FASTK: variants seen among roughly 807,000 people sequenced by gnomAD.
FASTK encodes the protein fas-activated serine/threonine kinase.
FASTK carries 28 observed loss-of-function variants against 60.0 expected under a neutral mutation model. The observed-to-expected ratio is 0.47, with a 90% confidence interval of 0.35 to 0.64. The LOEUF (loss-of-function observed/expected upper bound fraction) is 0.64, where lower values mean the gene tolerates loss of function less well. Among genes scored for constraint, FASTK ranks in the 30% least tolerant of loss-of-function variants. The pLI, the probability that FASTK is intolerant of heterozygous loss-of-function variation, is 0.01. For synonymous variants in FASTK, 325 were observed against 307.9 expected (o/e 1.06, Z -0.58); for missense variants, 595 against 713.8 (o/e 0.83, Z 1.90).
At position 151,077,329 on chromosome 7, in the gene FASTK, C is replaced by T. The variant is rs932974133; in HGVS notation, c.1272G>A (p.Val424=). 1.1e-5 allele frequency: 18 copies of T among 1,613,010 alleles called. No individual in the cohort carries two copies. The African/African-American group carries it at 2.0e-4, about 18-fold the overall frequency. ...GCTCACCTGTGCAGTAGCCTGGAGG[C>T]ACAGTCAGGTCCTGGCGGTATTTCT... ...GEEKYRQDLT[V]PPGYCTDFLL... The change falls in exon 7 of 10, where the codon GTG becomes GTA. Residue 424 remains valine, a synonymous_variant. Transcript: ENST00000297532.
chr7:151,079,862 C>T lies in FASTK; in HGVS notation c.143G>A (p.Arg48Gln), dbSNP rs756789798. The T allele has an allele frequency of 5.6e-6, 9 of 1,604,962 alleles. No homozygotes were observed. The South Asian group carries it at 1.0e-4, about 18-fold the overall frequency. Residue 48 changes from arginine (R) to glutamine (Q), a missense_variant, in exon 2 of 10, where the codon CGG becomes CAG. Transcript: ENST00000297532. ...VLLSAQTSPA[R>Q]LSGLLLIPPV... ...AGGGATCAGCAGCAGGCCAGACAGC[C>T]GAGCAGGGGAGGTCTGAGCAGAGAG...
At chr7:151,077,828 C>A (rs749251716) in intron 5 of FASTK, 48 bp from the exon 6 acceptor site, 16 of 1,596,390 alleles carry the variant, frequency 1.0e-5, no homozygotes, top group Non-Finnish European at 1.4e-5. Flanking sequence ...CCACCCTGCT[C>A]CCCTGCCTCT....
At chr7:151,078,746 G>C (rs1183113392) in intron 3 of FASTK, 45 bp from the exon 4 acceptor site, 3 of 1,610,996 alleles carry the variant, frequency 1.9e-6, no homozygotes, top group Non-Finnish European at 2.5e-6. Flanking sequence ...CGGACCTCCG[G>C]CTGGCTCAAT....
chr7:151,078,498 C>T (rs1345865977), intron 4 of FASTK, 64 bp downstream of exon 4: 7 of 1,568,586 alleles, frequency 4.5e-6, no homozygotes, highest in East Asian at 2.3e-5. Flanking sequence ...CTGCACGAGG[C>T]GCTGGGCCTG....
At position 151,077,442 on chromosome 7, in the gene FASTK, C is replaced by T. The variant is rs372982854; in HGVS notation, c.1200-41G>A. 4 of 1,595,498 alleles carry T rather than the reference C, an allele frequency of 2.5e-6. No individual in the cohort carries two copies. In the African/African-American group the frequency reaches 5.4e-5, roughly 21 times the overall value. On this transcript the variant is annotated intron_variant, in intron 6 of 9. Transcript: ENST00000297532. ...ACCAGTAGCAGGAAGGGCCCGGCAC[C>T]TCATCCTAATCTGTCCCAGTCTAGT...
chr7:151,080,224 G>A (rs1209073390), intron 1 of FASTK: 2 of 398,754 alleles, frequency 5.0e-6, no homozygotes, highest in Non-Finnish European at 8.9e-6. Flanking sequence ...TTCACCGGTG[G>A]AGAAACGCAG....
intron 1 of FASTK, chr7:151,080,334 C>T: frequency 1.7e-6 from 1 of 575,826 alleles, no homozygotes; most frequent in Non-Finnish European, 2.5e-6. Flanking sequence ...TGCACTCTCC[C>T]GACCACCTCC....
Position 151,076,794 on chromosome 7 carries a change from G to C in FASTK, c.1581C>G (p.Pro527=). The C allele has an allele frequency of 6.2e-7, 1 of 1,612,440 alleles. No individual in the cohort carries two copies. Among genetic ancestry groups the C allele is most frequent in the Non-Finnish European group, 8.5e-7 (1 of 1,179,460 alleles). ...TCTGCCTCAGGTAGCTCTTGAGCTG[G>C]GGCAGGCCTCTCTGGGACTCCAGTT... ...FEELESQRGL[P]QLKSYLRQKL... Residue 527 remains proline (P), a synonymous_variant, in exon 10 of 10, where the codon CCC becomes CCG. Transcript: ENST00000297532.
chr7:151,076,986 T>C lies in FASTK; in HGVS notation c.1469A>G (p.Asp490Gly). 1 of 1,612,470 alleles carries C rather than the reference T, an allele frequency of 6.2e-7. No homozygotes were observed. The highest frequency in any genetic ancestry group is 8.5e-7 in the Non-Finnish European group (1 of 1,179,820). Residue 490 changes from aspartate to glycine, a missense_variant, in exon 9 of 10, where the codon GAC becomes GGC. By Grantham distance (94) the Asp-to-Gly change is moderately conservative (BLOSUM62 -1). This residue lies in a region of FASTK where 471 missense variants were observed against 605.9 expected (regional missense o/e 0.78). Coordinates refer to ENST00000297532, the MANE Select transcript of FASTK (RefSeq NM_006712.5). Reference sequence around the variant, plus strand: ...CCTCGAGCCCAGCAGCACCCGGCCGTCCCGGCAGAAATGCCAGCGTTCCCG... The same window carrying C: ...CCTCGAGCCCAGCAGCACCCGGCCGCCCCGGCAGAAATGCCAGCGTTCCCG... ...VLRERWHFCR[D>G]GRVLLGSRAL... is the part of the protein sequence containing the mutation.
Position 151,078,846 on chromosome 7 carries a change from C to G in FASTK, c.681G>C (p.Leu227=), listed in dbSNP as rs1797817634. 1 of 1,608,496 alleles carries G rather than the reference C, an allele frequency of 6.2e-7. No individual in the cohort carries two copies. Reference sequence around the variant, plus strand: ...GATTTTAACCCCCTCCAGCACCTGCCAGGCTGCTGATCAGATGCTGCCGTG... The same window carrying G: ...GATTTTAACCCCCTCCAGCACCTGCGAGGCTGCTGATCAGATGCTGCCGTG... ...RYPRQHLISS[L]AEARPEELTP... is the part of the protein sequence containing the mutation. Residue 227 remains leucine, a synonymous_variant, in exon 3 of 10, where the codon CTG becomes CTC. Transcript: ENST00000297532.
chr7:151,079,402 G>A (rs1039499241), intron 2 of FASTK, 98 bp downstream of exon 2: 4 of 1,228,314 alleles, frequency 3.3e-6, no homozygotes, highest in South Asian at 1.6e-5. Flanking sequence ...CTGGGCAAAC[G>A]CCTGAGAGGC....
At position 151,077,787 on chromosome 7, in the gene FASTK, G is replaced by A. The variant is rs1260042189; in HGVS notation, c.1040-7C>T. The A allele has an allele frequency of 1.9e-6, 3 of 1,594,556 alleles. No individual in the cohort carries two copies. The highest frequency in any genetic ancestry group is 2.2e-5 in the East Asian group (1 of 44,458). On this transcript the variant is annotated splice_region_variant and splice_polypyrimidine_tract_variant and intron_variant, in intron 5 of 9. Coordinates refer to ENST00000297532, the MANE Select transcript of FASTK (RefSeq NM_006712.5). ...ATCAGAGCATGAGGGGTGCCTGTGG[G>A]GAGGCGGGGACTGGGGCTCTGGGCT...
intron 4 of FASTK, 67 bp from the exon 5 acceptor site, chr7:151,078,159 C>T: frequency 7.9e-7 from 1 of 1,266,406 alleles, no homozygotes; most frequent in Non-Finnish European, 1.1e-6. Flanking sequence ...ACAAGCTAAG[C>T]CTTAGAGAGG....
At position 151,079,673 on chromosome 7, in the gene FASTK, G is replaced by A; in HGVS notation, c.332C>T (p.Ala111Val). 1 of 1,611,176 alleles carries A rather than the reference G, an allele frequency of 6.2e-7. No homozygotes were observed. The highest frequency in any genetic ancestry group is 1.1e-5 in the South Asian group (1 of 90,700). Residue 111 changes from alanine (A) to valine (V), a missense_variant, in exon 2 of 10, where the codon GCC becomes GTC. By Grantham distance (64) the Ala-to-Val change is moderately conservative. Coordinates refer to ENST00000297532, the MANE Select transcript of FASTK (RefSeq NM_006712.5). ...WLGQNPSKVR[A>V]HHYSVALRRL... ...ACGAAGCGCCACCGAGTAGTGGTGG[G>A]CGCGCACCTTGCTGGGGTTCTGGCC...
intron 6 of FASTK, 86 bp from the exon 7 acceptor site, chr7:151,077,487 C>A: frequency 6.5e-7 from 1 of 1,527,994 alleles, no homozygotes; most frequent in South Asian, 1.2e-5. Flanking sequence ...CTGGGCAAAG[C>A]CCTCTGCTGC....
intron 1 of FASTK, chr7:151,080,126 A>G: frequency 3.5e-6 from 2 of 574,728 alleles, no homozygotes; most frequent in East Asian, 5.8e-5. Context: ...CGCTCAGCGC[A>G]GCACTACTTG....
chr7:151,079,927 GGGGCAGCCC>G lies in FASTK; in HGVS notation c.83-14_83-6del, dbSNP rs1446940538. 6.4e-7 allele frequency: 1 copy of G among 1,571,998 alleles called. No homozygotes were observed. Among genetic ancestry groups the G allele is most frequent in the South Asian group, 1.1e-5 (1 of 87,288 alleles). ...TGGAGTTGGGTGATGGAGACCCTGAGGGGCAGCCCAAAAAAGGGGGTGAGGTTTTCTCCA... is the reference window on the plus strand; with the variant it reads ...TGGAGTTGGGTGATGGAGACCCTGAGAAAAAAGGGGGTGAGGTTTTCTCCA... On this transcript the variant is annotated splice_polypyrimidine_tract_variant and splice_region_variant and intron_variant, in intron 1 of 9. Transcript: ENST00000297532.
At chr7:151,078,532 G>A (rs760211657) in intron 4 of FASTK, 30 bp downstream of exon 4, 2 of 1,608,786 alleles carry the variant, frequency 1.2e-6, no homozygotes, top group East Asian at 4.5e-5. Context: ...GAATGACAGA[G>A]ATGCACTGGA....
Position 151,079,633 on chromosome 7 carries a change from G to A in FASTK, c.372C>T (p.Leu124=). The change falls in exon 2 of 10, where the codon CTC becomes CTT. Residue 124 remains leucine, a synonymous_variant. Transcript: ENST00000297532. The part of the protein sequence containing the change: ...YSVALRRLGQ[L]LGSRPRPPPV... Reference sequence around the variant, plus strand: ...GAGGGGGCCGTGGCCGAGACCCCAAGAGCTGGCCCAGACGACGAAGCGCCA... The same window carrying A: ...GAGGGGGCCGTGGCCGAGACCCCAAAAGCTGGCCCAGACGACGAAGCGCCA... The A allele has an allele frequency of 6.2e-7, 1 of 1,613,712 alleles. No homozygotes were observed. Among genetic ancestry groups the A allele is most frequent in the African/African-American group, 1.3e-5 (1 of 75,070 alleles).
Sources: gnomAD v4.1 joint callset for allele counts on GRCh38, gnomAD v4.1.1 for gene constraint, gnomAD v4.1.1 regional missense constraint, MANE v1.5 for transcripts, NCBI Gene and HGNC (gene_info 2026-07-23, HGNC 2026-07-21) for gene names.